Variants in FHIT observed in about 807,000 individuals in gnomAD.
The protein encoded by FHIT is fragile histidine triad diadenosine triphosphatase.
FHIT carries 19 observed loss-of-function variants against 17.9 expected under a neutral mutation model. The ratio of observed to expected loss-of-function variants is 1.06; its 90% CI spans 0.74 to 1.56. The LOEUF is 1.56. Among genes scored for constraint, FHIT ranks in the 40% most tolerant of loss-of-function variants. FHIT has a pLI of 0.00. For synonymous variants in FHIT, 81 were observed against 69.7 expected, an observed-to-expected ratio of 1.16 and a Z score of -0.81; for missense variants, 248 against 189.2, an observed-to-expected ratio of 1.31 and a Z score of -1.82.
At chr3:61,167,465 C>T (rs1460692487) in intron 2 of FHIT, among the ~76,000 whole-genome samples, 2 of 150,924 alleles carry the variant, frequency 1.3e-5, no homozygotes, top group African/African-American at 2.4e-5. Context: ...GGCAAAACTC[C>T]ATCTCTACTA....
chr3:60,825,950 G>A (rs1702097136), intron 3 of FHIT, among the ~76,000 whole-genome samples: 1 of 152,004 alleles, frequency 6.6e-6, no homozygotes, highest in Non-Finnish European at 1.5e-5. Context: ...GGACATTATT[G>A]GTGAAAATGA....
At chr3:61,054,177 A>C (rs977871143) in intron 2 of FHIT, among the ~76,000 whole-genome samples, 1 of 152,128 alleles carries the variant, frequency 6.6e-6, no homozygotes, top group Non-Finnish European at 1.5e-5. Context: ...AACAGGAAAA[A>C]CACTTCTTAC....
rs1353269780 is a variant in FHIT at position 61,141,518 on chromosome 3, T to TCAAA, written c.-164+59098_-164+59099insTTTG. 2.7e-3 allele frequency among the ~76,000 whole-genome samples: 390 copies of TCAAA among 145,274 alleles called. 6 individuals are homozygous for TCAAA. The highest frequency in any genetic ancestry group is 4.3e-3 in the Non-Finnish European group (273 of 63,552). On this transcript the variant is annotated intron_variant, in intron 2 of 9. Transcript: ENST00000492590. The stretch of plus-strand genomic sequence containing the variant: ...CCAGAGAGATATTTGATCCGTTCAT[T>TCAAA]TGAAAGTCAATACTAAACATCCTTC...
chr3:59,834,428 CAGAG>C (rs1168806886), intron 8 of FHIT, among the ~76,000 whole-genome samples: 2 of 151,992 alleles, frequency 1.3e-5, no homozygotes, highest in African/African-American at 4.8e-5. Flanking sequence ...GAGAGAGAGA[CAGAG>C]AGACAGACAG....
At chr3:60,588,720 C>T (rs950391472) in intron 4 of FHIT, among the ~76,000 whole-genome samples, 1 of 152,014 alleles carries the variant, frequency 6.6e-6, no homozygotes, top group African/African-American at 2.4e-5. Flanking sequence ...ATGATCATGG[C>T]TCACTACAGC....
At chr3:59,850,795 T>C (rs946651909) in intron 8 of FHIT, among the ~76,000 whole-genome samples, 5 of 152,198 alleles carry the variant, frequency 3.3e-5, no homozygotes, top group Non-Finnish European at 7.3e-5. Context: ...CAAGAGTCTT[T>C]CTGCATTTGT....
intron 3 of FHIT, among the ~76,000 whole-genome samples, chr3:61,025,557 A>G (rs1250287277): frequency 2.6e-5 from 4 of 152,236 alleles, no homozygotes; most frequent in African/African-American, 9.6e-5. Context: ...TCAGATTTAC[A>G]GATCAGACAC....
chr3:60,285,808 A>G (rs1478385394), intron 5 of FHIT, among the ~76,000 whole-genome samples: 1 of 152,136 alleles, frequency 6.6e-6, no homozygotes, highest in East Asian at 1.9e-4. Context: ...CATAGTTTTG[A>G]GGTACATGTG....
At chr3:59,908,853 T>TTTTTTTTTTTTTTG (rs1271629999) in intron 8 of FHIT, among the ~76,000 whole-genome samples, 2 of 150,828 alleles carry the variant, frequency 1.3e-5, no homozygotes, top group African/African-American at 4.9e-5. Context: ...CATTTTTTAA[T>TTTTTTTTTTTTTTG]AGTCCAACTG....
At chr3:60,607,356 G>A (rs570968002) in intron 4 of FHIT, among the ~76,000 whole-genome samples, 7 of 151,984 alleles carry the variant, frequency 4.6e-5, no homozygotes, top group South Asian at 2.1e-4. Flanking sequence ...GGCCTCTTTC[G>A]AAGAGGGCAC....
intron 5 of FHIT, among the ~76,000 whole-genome samples, chr3:60,285,946 G>GC (rs1358754163): frequency 6.6e-6 from 1 of 152,102 alleles, no homozygotes; most frequent in Non-Finnish European, 1.5e-5. Flanking sequence ...CTCACGGCTA[G>GC]CCACTCCACG....
In FHIT at chr3:60,393,388, T is replaced by C. The variant is rs371473062; in HGVS notation, c.103+143472A>G. ...AATTGAAAAAATATATATATTTTTG[T>C]AAAATTATTTATAATGTTACATATA... is the stretch of plus-strand genomic sequence containing the variant. On this transcript the variant is annotated intron_variant, in intron 5 of 9. Transcript: ENST00000492590. 2.0e-5 allele frequency among the ~76,000 whole-genome samples: 3 copies of C among 149,998 alleles called. No homozygotes were observed. The East Asian group carries it at 5.8e-4, about 29-fold the overall frequency.
intron 5 of FHIT, among the ~76,000 whole-genome samples, chr3:60,483,076 T>C (rs980870469): frequency 2.0e-5 from 3 of 152,266 alleles, no homozygotes; most frequent in East Asian, 1.9e-4. Flanking sequence ...CTAGAAAATC[T>C]AGAAGAAATG....
chr3:60,471,349 C>T (rs1256655397), intron 5 of FHIT, among the ~76,000 whole-genome samples: 1 of 152,292 alleles, frequency 6.6e-6, no homozygotes, highest in African/African-American at 2.4e-5. Flanking sequence ...AGCACTTTAG[C>T]CTGTGGTGGT....
At chr3:60,081,282 T>A (rs1376849134) in intron 5 of FHIT, among the ~76,000 whole-genome samples, 1 of 152,088 alleles carries the variant, frequency 6.6e-6, no homozygotes, top group Non-Finnish European at 1.5e-5. Flanking sequence ...TGGTTCTGCA[T>A]ATTAAAATTT....
rs545583580 is a variant in FHIT at position 60,233,459 on chromosome 3, C to T, written c.104-219307G>A. On this transcript the variant is annotated intron_variant, in intron 5 of 9. Coordinates refer to ENST00000492590, the MANE Select transcript of FHIT (RefSeq NM_002012.4). ...GTTGGGCTCCTTCTCCTTCAGGTGT[C>T]CACTCCAACAAACTCCTCAGAGAGG... Among the ~76,000 whole-genome samples the T allele has an allele frequency of 4.6e-5, 7 of 152,130 alleles. No individual in the cohort carries two copies. The East Asian group carries it at 1.4e-3, about 29-fold the overall frequency.
At chr3:60,533,848 A>T (rs1038144602) in intron 5 of FHIT, among the ~76,000 whole-genome samples, 2 of 152,186 alleles carry the variant, frequency 1.3e-5, no homozygotes, top group African/African-American at 2.4e-5. Flanking sequence ...TGGTTTATTA[A>T]CAAGGGAAGA....
intron 3 of FHIT, chr3:60,856,538 G>A (rs1213042757): frequency 6.6e-6 from 1 of 152,094 alleles, no homozygotes; most frequent in East Asian, 1.9e-4. Flanking sequence ...GGTTTCCAGT[G>A]CTCTACACAC....
At chr3:59,847,636 G>A (rs908059118) in intron 8 of FHIT, among the ~76,000 whole-genome samples, 1 of 152,034 alleles carries the variant, frequency 6.6e-6, no homozygotes, top group East Asian at 1.9e-4. Context: ...ATACGTTCCT[G>A]TTGCTCTATA....
Sources: allele counts gnomAD v4.1 joint callset (sites outside exome capture counted in the v4.1 genomes callset), GRCh38; gene constraint gnomAD v4.1.1; transcripts MANE v1.5; gene names NCBI Gene and HGNC (gene_info 2026-07-23, HGNC 2026-07-21).